Variants in CRLS1 observed in about 807,000 individuals in gnomAD.
The protein encoded by CRLS1 is cardiolipin synthase (CMP-forming).
CRLS1 carries 24 observed loss-of-function variants against 37.0 expected under a neutral mutation model. The observed-to-expected ratio is 0.65, with a 90% CI of 0.47 to 0.91. CRLS1 has a LOEUF of 0.91. Ranked by LOEUF, CRLS1 falls within the 40% of genes least tolerant of loss-of-function variation. The probability of loss-of-function intolerance (pLI) is 0.00; values close to 1 mark genes in which losing one functional copy is unlikely to be tolerated. For missense variants in CRLS1, 373 were observed against 395.8 expected (o/e 0.94, Z 0.49); for synonymous variants, 135 against 159.7 (o/e 0.85, Z 1.17).
At chr20:6,019,691 CTT>C (rs146083457) in intron 3 of CRLS1, among the ~76,000 whole-genome samples, 66,315 of 119,544 alleles carry the variant, frequency 0.55, 15,984 homozygotes, top group Middle Eastern at 0.68. Context: ...TTTCGAAATT[CTT>C]TTTTTTTTTT....
At chr20:6,018,229 AAAAAAAAAT>A (rs1471295895) in intron 3 of CRLS1, among the ~76,000 whole-genome samples, 1 of 151,688 alleles carries the variant, frequency 6.6e-6, no homozygotes, top group Non-Finnish European at 1.5e-5. Flanking sequence ...AAAAAAAAAA[AAAAAAAAAT>A]TATTTTCTTA....
intron 2 of CRLS1, among the ~76,000 whole-genome samples, chr20:6,014,995 T>C (rs914090702): frequency 6.6e-6 from 1 of 152,166 alleles, no homozygotes; most frequent in African/African-American, 2.4e-5. Context: ...GTCCAGGCTC[T>C]GCCGTTCATG....
At chr20:6,018,434 G>A (rs984866480) in intron 3 of CRLS1, among the ~76,000 whole-genome samples, 42 of 151,972 alleles carry the variant, frequency 2.8e-4, no homozygotes, top group African/African-American at 1.0e-3. Flanking sequence ...TTTACCCTTT[G>A]TTTCTTTTAC....
At chr20:6,007,549 C>A in intron 1 of CRLS1, 1 of 822,664 alleles carries the variant, frequency 1.2e-6, no homozygotes. Context: ...TTCACTGTTC[C>A]AGCAACATTG....
chr20:6,024,920 A>G (rs941083603), intron 3 of CRLS1, among the ~76,000 whole-genome samples: 27 of 152,230 alleles, frequency 1.8e-4, no homozygotes, highest in Admixed American at 3.3e-4. Flanking sequence ...TTGAAGGCAC[A>G]GAGAGGTGAA....
At position 6,006,388 on chromosome 20, in the gene CRLS1, C is replaced by T. The variant is rs747321013; in HGVS notation, c.142C>T (p.Arg48Cys). 7.1e-7 allele frequency: 1 copy of T among 1,407,368 alleles called. No individual in the cohort carries two copies. The highest frequency in any genetic ancestry group is 1.5e-5 in the South Asian group (1 of 66,568). The allele number at this position is 1,407,368 out of a possible 1,614,324, so 87.2% of individuals were successfully genotyped here. A position where few individuals can be genotyped will look rare whatever the true frequency, so the allele number is the denominator to read the frequency against. ...VPCCLGCLAE[R>C]WRLRPAALGL... ...CTGCTGCTTGGGCTGCCTGGCCGAA[C>T]GCTGGAGGCTGCGTCCGGCCGCTCT... The change falls in exon 1 of 7, where the codon CGC (arginine) becomes TGC (cysteine). Residue 48 changes from arginine (R) to cysteine (C), a missense_variant. Transcript: ENST00000378863.
chr20:6,032,157 C>T, intron 5 of CRLS1, 77 bp downstream of exon 5: 2 of 1,170,690 alleles, frequency 1.7e-6, no homozygotes, highest in Admixed American at 1.9e-5. Context: ...TAGTCAAGAA[C>T]AGCTGAAAAT....
chr20:6,020,748 G>A (rs865989508), intron 3 of CRLS1, among the ~76,000 whole-genome samples: 8 of 150,894 alleles, frequency 5.3e-5, no homozygotes, highest in African/African-American at 1.5e-4. Context: ...TCAGCCTCCC[G>A]AGTAGCTGGG....
chr20:6,007,877 T>C (rs1890896945), intron 1 of CRLS1, among the ~76,000 whole-genome samples: 1 of 152,250 alleles, frequency 6.6e-6, no homozygotes, highest in African/African-American at 2.4e-5. Flanking sequence ...TTGTATAATG[T>C]GGATTACTTT....
Position 6,006,267 on chromosome 20 carries a change from G to C in CRLS1, c.21G>C (p.Ala7=), listed in dbSNP as rs961131000. Residue 7 remains alanine, a synonymous_variant, in exon 1 of 7, where the codon GCG becomes GCC. Transcript: ENST00000378863. ...GGGCCATGCTAGCCTTGCGCGTGGC[G>C]CGCGGCTCGTGGGGGGCCCTGCGCG... MLALRV[A]RGSWGALRGA... is the part of the protein sequence containing the mutation. 1 of 1,251,576 alleles carries C rather than the reference G, an allele frequency of 8.0e-7. No homozygotes were observed. Among genetic ancestry groups the C allele is most frequent in the African/African-American group, 1.6e-5 (1 of 63,912 alleles). The allele number at this position is 1,251,576 out of a possible 1,614,324, so 77.5% of individuals were successfully genotyped here. A position where few individuals can be genotyped will look rare whatever the true frequency, so the allele number is the denominator to read the frequency against.
chr20:6,010,949 C>G (rs985828864), intron 2 of CRLS1, among the ~76,000 whole-genome samples: 8 of 151,558 alleles, frequency 5.3e-5, no homozygotes, highest in Non-Finnish European at 1.0e-4. Flanking sequence ...CTCAGGAGTT[C>G]AAGGCTGCAG....
At chr20:6,006,871 A>T (rs2090063868) in intron 1 of CRLS1, 1 of 961,384 alleles carries the variant, frequency 1.0e-6, no homozygotes, top group South Asian at 4.8e-5. Context: ...CCTATTTTTA[A>T]TTCTTTTGAA....
rs563653811 is a variant in CRLS1, at chr20:6,012,198, G to T, written c.444+2286G>T. On this transcript the variant is annotated intron_variant, in intron 2 of 6. Coordinates refer to ENST00000378863, the MANE Select transcript of CRLS1 (RefSeq NM_019095.6). ...TGGAGATTTTAGTGCCTTTCAATTGGCCACTGGGAGGTGGTCGGACTCATC... is the reference window on the plus strand; with the variant it reads ...TGGAGATTTTAGTGCCTTTCAATTGTCCACTGGGAGGTGGTCGGACTCATC... Among the ~76,000 whole-genome samples the T allele has an allele frequency of 3.3e-5, 5 of 152,254 alleles. No homozygotes were observed. In the South Asian group the frequency reaches 1.0e-3, roughly 32 times the overall value.
intron 6 of CRLS1, among the ~76,000 whole-genome samples, chr20:6,035,928 C>T (rs1980514816): frequency 6.6e-6 from 1 of 152,092 alleles, no homozygotes; most frequent in Non-Finnish European, 1.5e-5. Flanking sequence ...CCTCAGCCTC[C>T]TGAGTAGCTG....
intron 6 of CRLS1, among the ~76,000 whole-genome samples, 157 bp from the exon 7 acceptor site, chr20:6,036,917 A>G (rs969979015): frequency 3.3e-5 from 5 of 152,238 alleles, no homozygotes; most frequent in African/African-American, 1.2e-4. Context: ...CAGTGTATTT[A>G]GACTCTTGTA....
chr20:6,011,783 A>G (rs765763481), intron 2 of CRLS1, among the ~76,000 whole-genome samples: 4 of 150,318 alleles, frequency 2.7e-5, no homozygotes, highest in East Asian at 2.0e-4. Flanking sequence ...ATGGGGTTTC[A>G]TCATGTTGGC....
At chr20:6,009,667 A>G (rs2090106292) in intron 1 of CRLS1, 108 bp from the exon 2 acceptor site, 1 of 823,276 alleles carries the variant, frequency 1.2e-6, no homozygotes, top group Non-Finnish European at 1.8e-6. Flanking sequence ...AAGTTTATGT[A>G]GCTTCTGACT....
chr20:6,032,232 T>C (rs1600389337), intron 5 of CRLS1, 152 bp downstream of exon 5: 2 of 587,462 alleles, frequency 3.4e-6, no homozygotes, highest in Non-Finnish European at 6.0e-6. Context: ...AGTTTTAACC[T>C]AGTTTGTCCT....
Position 6,006,270 on chromosome 20 carries a change from C to T in CRLS1, c.24C>T (p.Arg8=). 8.0e-7 allele frequency: 1 copy of T among 1,253,466 alleles called. No homozygotes were observed. Among genetic ancestry groups the T allele is most frequent in the Non-Finnish European group, 1.0e-6 (1 of 1,002,624 alleles). 77.6% of individuals were successfully genotyped at this position (1,253,466 alleles called of 1,614,324 possible). Residue 8 remains arginine, a synonymous_variant, in exon 1 of 7, where the codon CGC becomes CGT. Coordinates refer to ENST00000378863, the MANE Select transcript of CRLS1 (RefSeq NM_019095.6). MLALRVA[R]GSWGALRGAA... ...CCATGCTAGCCTTGCGCGTGGCGCG[C>T]GGCTCGTGGGGGGCCCTGCGCGGCG...
Sources: gnomAD v4.1 joint callset for allele counts (sites outside exome capture counted in the v4.1 genomes callset) on GRCh38, gnomAD v4.1.1 for gene constraint, MANE v1.5 for transcripts, NCBI Gene and HGNC (gene_info 2026-07-23, HGNC 2026-07-21) for gene names.